PACRG: variants seen among roughly 807,000 people sequenced by gnomAD.
The protein encoded by PACRG is parkin coregulated.
Under a neutral mutation model 29.7 loss-of-function variants are expected in PACRG, and 29 were observed. The ratio of observed to expected loss-of-function variants is 0.98; its 90% CI spans 0.73 to 1.33. The LOEUF is 1.33. PACRG is among the 40% of genes most tolerant of loss of function. The probability of loss-of-function intolerance (pLI) is 0.00; values close to 1 mark genes in which losing one functional copy is unlikely to be tolerated. For synonymous variants in PACRG, 116 were observed against 118.7 expected (o/e 0.98, Z 0.15); for missense variants, 279 against 316.2 (o/e 0.88, Z 0.89).
chr6:162,746,655 A>G (rs752313487), intron 1 of PACRG, among the ~76,000 whole-genome samples: 5 of 152,232 alleles, frequency 3.3e-5, no homozygotes, highest in Non-Finnish European at 7.3e-5. Context: ...TGAAGCATAA[A>G]TAGCCAGTGT....
At chr6:162,764,926 A>G (rs1782665286) in intron 1 of PACRG, among the ~76,000 whole-genome samples, 1 of 151,690 alleles carries the variant, frequency 6.6e-6, no homozygotes, top group African/African-American at 2.4e-5. Flanking sequence ...TTGTATTTTT[A>G]GTAGAGACGG....
At chr6:162,878,496 T>C (rs1793560964) in intron 2 of PACRG, among the ~76,000 whole-genome samples, 1 of 152,202 alleles carries the variant, frequency 6.6e-6, no homozygotes, top group South Asian at 2.1e-4. Context: ...TGAATCTTTT[T>C]CTCATCTGTG....
At chr6:162,758,067 G>A (rs1782066969) in intron 1 of PACRG, among the ~76,000 whole-genome samples, 1 of 151,970 alleles carries the variant, frequency 6.6e-6, no homozygotes, top group Admixed American at 6.6e-5. Context: ...AGTGCAAGTT[G>A]GTATTAATTT....
chr6:163,290,323 C>CACACACAG (rs796997363), intron 4 of PACRG, among the ~76,000 whole-genome samples: 207 of 148,886 alleles, frequency 1.4e-3, no homozygotes, highest in East Asian at 9.1e-3. Flanking sequence ...CACACACACA[C>CACACACAG]AGCAATCACT....
intron 4 of PACRG, among the ~76,000 whole-genome samples, chr6:163,106,492 G>A (rs957164219): frequency 1.3e-5 from 2 of 152,076 alleles, no homozygotes; most frequent in African/African-American, 4.8e-5. Flanking sequence ...CATCTGAGTG[G>A]CATTATTCTT....
chr6:162,930,645 A>T (rs1183858194), intron 2 of PACRG, among the ~76,000 whole-genome samples: 2 of 151,922 alleles, frequency 1.3e-5, no homozygotes, highest in Non-Finnish European at 2.9e-5. Context: ...AAAGTAGTAA[A>T]AGTGGGCATC....
intron 2 of PACRG, among the ~76,000 whole-genome samples, chr6:163,041,104 A>G (rs1452975139): frequency 1.3e-5 from 2 of 152,084 alleles, no homozygotes. Context: ...TTGAGAGGCC[A>G]AGGCGGGCGG....
chr6:163,167,132 G>A (rs992696772), intron 4 of PACRG, among the ~76,000 whole-genome samples: 2 of 152,124 alleles, frequency 1.3e-5, no homozygotes, highest in Non-Finnish European at 2.9e-5. Flanking sequence ...AATCAAAAAA[G>A]CTGTTGTTCC....
chr6:162,848,072 G>C (rs1356717831), intron 2 of PACRG, among the ~76,000 whole-genome samples: 2 of 152,132 alleles, frequency 1.3e-5, no homozygotes, highest in African/African-American at 2.4e-5. Flanking sequence ...GGAAAGGGAA[G>C]CTCTAGAGGG....
At chr6:163,089,495 A>G in intron 4 of PACRG, 87 bp downstream of exon 4, 1 of 1,466,344 alleles carries the variant, frequency 6.8e-7, no homozygotes, top group Non-Finnish European at 9.3e-7. Flanking sequence ...CACGTTTAGG[A>G]TTTATTATTG....
At position 162,757,283 on chromosome 6, in the gene PACRG, A is replaced by G. The variant is rs535894569; in HGVS notation, c.156+28892A>G. ...ACTGATCTATAATTTTTATTTGTAT[A>G]TTATTCTTTTTGAATATCACTGTCT... On this transcript the variant is annotated intron_variant, in intron 1 of 4. Transcript: ENST00000366888. 2.0e-5 allele frequency among the ~76,000 whole-genome samples: 3 copies of G among 152,262 alleles called. No homozygotes were observed. The East Asian group carries it at 5.8e-4, about 29-fold the overall frequency.
chr6:163,259,944 G>A (rs1783259513), intron 4 of PACRG, among the ~76,000 whole-genome samples: 1 of 152,184 alleles, frequency 6.6e-6, no homozygotes, highest in Non-Finnish European at 1.5e-5. Context: ...TCAGGCTAAG[G>A]TCCGGTCCTC....
intron 4 of PACRG, among the ~76,000 whole-genome samples, chr6:163,225,032 A>C (rs1781733370): frequency 6.6e-6 from 1 of 152,220 alleles, no homozygotes; most frequent in Non-Finnish European, 1.5e-5. Flanking sequence ...AAAATGGGCA[A>C]AGGATCTGAA....
chr6:162,866,836 T>G (rs970373152), intron 2 of PACRG, among the ~76,000 whole-genome samples: 1 of 152,156 alleles, frequency 6.6e-6, no homozygotes, highest in African/African-American at 2.4e-5. Flanking sequence ...ATACCAGAGA[T>G]ACTCATGACA....
intron 1 of PACRG, among the ~76,000 whole-genome samples, chr6:162,732,392 C>T (rs1247193092): frequency 6.6e-6 from 1 of 152,184 alleles, no homozygotes; most frequent in East Asian, 1.9e-4. Context: ...AATCCTCACT[C>T]CTGCTCAAAT....
intron 2 of PACRG, among the ~76,000 whole-genome samples, chr6:162,947,264 CTATA>C (rs1799088317): frequency 7.4e-6 from 1 of 135,020 alleles, no homozygotes; most frequent in Admixed American, 7.9e-5. Flanking sequence ...CATATATAAT[CTATA>C]TATAACCATA....
intron 1 of PACRG, among the ~76,000 whole-genome samples, chr6:162,765,546 C>T (rs1285879063): frequency 6.6e-6 from 1 of 152,092 alleles, no homozygotes; most frequent in Non-Finnish European, 1.5e-5. Flanking sequence ...AGAGTCAGAG[C>T]TTTCTTGATT....
intron 1 of PACRG, among the ~76,000 whole-genome samples, chr6:162,747,353 TATATATATATAC>T (rs1279200699): frequency 5.3e-5 from 4 of 74,798 alleles, no homozygotes; most frequent in African/African-American, 1.4e-4. Context: ...TATATATATA[TATATATATATAC>T]ACATACATAT....
chr6:162,987,982 G>C (rs971533863), intron 2 of PACRG, among the ~76,000 whole-genome samples: 2 of 152,160 alleles, frequency 1.3e-5, no homozygotes, highest in East Asian at 3.9e-4. Flanking sequence ...GTCCTGAGTT[G>C]GTTGGCCTCC....
Sources: gnomAD v4.1 joint callset for allele counts (sites outside exome capture counted in the v4.1 genomes callset) on GRCh38, gnomAD v4.1.1 for gene constraint, MANE v1.5 for transcripts, NCBI Gene and HGNC (gene_info 2026-07-23, HGNC 2026-07-21) for gene names.